The following AUTS2 variants were observed in gnomAD, a reference collection of about 807,000 sequenced individuals.
The protein encoded by AUTS2 is autism susceptibility gene 2 protein.
In AUTS2, 17 loss-of-function variants were observed where a neutral mutation model predicts 112.4. The observed-to-expected ratio is 0.15, with a 90% CI of 0.10 to 0.23. The LOEUF is 0.23. Among genes scored for constraint, AUTS2 ranks in the 10% least tolerant of loss-of-function variants. The pLI is 1.00. For missense variants in AUTS2, 1,510 were observed against 1,701.6 expected (o/e 0.89, Z 1.98); for synonymous variants, 751 against 702.7 (o/e 1.07, Z -1.09).
intron 11 of AUTS2, among the ~76,000 whole-genome samples, chr7:70,772,442 A>G (rs1051560583): frequency 3.9e-5 from 6 of 152,206 alleles, no homozygotes; most frequent in Non-Finnish European, 8.8e-5. Context: ...TTTTACCTTC[A>G]CACAAAAATA....
intron 2 of AUTS2, among the ~76,000 whole-genome samples, chr7:70,009,315 T>C (rs543848979): frequency 5.3e-5 from 8 of 152,308 alleles, no homozygotes; most frequent in Admixed American, 2.6e-4. Context: ...TACTTCCCAA[T>C]AGTGTTGCAT....
Position 69,981,120 on chromosome 7 carries a change from A to T in AUTS2, c.522+81622A>T, listed in dbSNP as rs182489144. 9.2e-5 allele frequency among the ~76,000 whole-genome samples: 14 copies of T among 152,342 alleles called. 1 individual carries two copies. In the East Asian group the frequency reaches 2.7e-3, roughly 29 times the overall value. ...CCAGCTTAATTTCTCTAGAAACAAAATCTCACCTTCATTTTGTACTTATCA... is the reference window on the plus strand; with the variant it reads ...CCAGCTTAATTTCTCTAGAAACAAATTCTCACCTTCATTTTGTACTTATCA... On this transcript the variant is annotated intron_variant, in intron 2 of 18. Transcript: ENST00000342771.
rs1312338162 is a variant in AUTS2 at position 69,777,834 on chromosome 7, G to T, written c.310-121452G>T. Among the ~76,000 whole-genome samples, 8 of 152,266 alleles carry T rather than the reference G, an allele frequency of 5.3e-5. No homozygotes were observed. In the East Asian group the frequency reaches 1.3e-3, roughly 26 times the overall value. On this transcript the variant is annotated intron_variant, in intron 1 of 18. Coordinates refer to ENST00000342771, the MANE Select transcript of AUTS2 (RefSeq NM_015570.4). ...TGGGGAGAGCTGAACAATGTGAGGTGGGAGGGCGTTGGCCTTTAATCAGGT... is the reference window on the plus strand; with the variant it reads ...TGGGGAGAGCTGAACAATGTGAGGTTGGAGGGCGTTGGCCTTTAATCAGGT...
chr7:70,299,206 G>C (rs923483058), intron 4 of AUTS2, among the ~76,000 whole-genome samples: 11 of 152,086 alleles, frequency 7.2e-5, no homozygotes, highest in African/African-American at 2.7e-4. Flanking sequence ...GCTTCACTCT[G>C]TTCATCCTTT....
Position 70,078,146 on chromosome 7 carries a change from C to G in AUTS2, c.523-39986C>G, listed in dbSNP as rs1041343979. Among the ~76,000 whole-genome samples the G allele has an allele frequency of 4.6e-5, 7 of 152,020 alleles. No homozygotes were observed. The East Asian group carries it at 1.2e-3, about 25-fold the overall frequency. On this transcript the variant is annotated intron_variant, in intron 2 of 18. Transcript: ENST00000342771. ...TCTGGTTTAGTCCTTACAGTAGTCC[C>G]TTTTATCCATGTTGGTATGTTCCAA...
chr7:69,981,928 T>C (rs965534784), intron 2 of AUTS2, among the ~76,000 whole-genome samples: 7 of 152,206 alleles, frequency 4.6e-5, no homozygotes, highest in African/African-American at 1.7e-4. Context: ...TTATCTTCTC[T>C]TAGTTTCACA....
chr7:70,400,728 G>C (rs1794290918), intron 4 of AUTS2, among the ~76,000 whole-genome samples: 1 of 152,156 alleles, frequency 6.6e-6, no homozygotes. Flanking sequence ...GCCATGGTGA[G>C]AGCTGTGCCA....
chr7:70,206,127 C>T (rs1810562550), intron 4 of AUTS2, among the ~76,000 whole-genome samples: 1 of 152,218 alleles, frequency 6.6e-6, no homozygotes, highest in Admixed American at 6.5e-5. Context: ...TCTCTTCCCT[C>T]CTCTATCCTG....
intron 2 of AUTS2, among the ~76,000 whole-genome samples, chr7:70,007,959 T>C (rs1799621153): frequency 6.6e-6 from 1 of 152,240 alleles, no homozygotes; most frequent in Non-Finnish European, 1.5e-5. Context: ...TACATTGGCC[T>C]TTCTTGATTA....
chr7:70,729,613 A>G (rs1585584469), intron 6 of AUTS2, among the ~76,000 whole-genome samples: 1 of 152,208 alleles, frequency 6.6e-6, no homozygotes, highest in East Asian at 1.9e-4. Context: ...GCAGTCAGTC[A>G]GGCGTTGTTG....
intron 5 of AUTS2, among the ~76,000 whole-genome samples, chr7:70,609,580 GT>G (rs773394729): frequency 1.4e-4 from 20 of 143,780 alleles, no homozygotes; most frequent in East Asian, 1.0e-3. Context: ...TTTTTGTTTT[GT>G]TTTTTTTTTT....
chr7:70,790,102 C>T lies in AUTS2; in HGVS notation c.2886C>T (p.Ala962=), dbSNP rs769423480. 9 of 1,587,458 alleles carry T rather than the reference C, an allele frequency of 5.7e-6. No homozygotes were observed. The highest frequency in any genetic ancestry group is 4.5e-5 in the South Asian group (4 of 88,090). The change falls in exon 19 of 19, where the codon GCC becomes GCT. Residue 962 remains alanine, a synonymous_variant. Transcript: ENST00000342771. This position sits in a 1 kb window ranked among gnomAD's most constrained non-coding sequence, Gnocchi z 7.6. ...CCAACAGCACCTCGAGCCGGGAGGC[C>T]GAGCCGCGCAAGGGTGAGCCGGCCT... ...ARPNSTSSRE[A]EPRKGEPAYE...
At chr7:70,725,482 T>C (rs1786973924) in intron 6 of AUTS2, among the ~76,000 whole-genome samples, 1 of 152,234 alleles carries the variant, frequency 6.6e-6, no homozygotes. Flanking sequence ...CTAGTCCCCA[T>C]GTTCTGTCGT....
At position 70,504,182 on chromosome 7, in the gene AUTS2, T is replaced by C. The variant is rs2079309930; in HGVS notation, c.690+68401T>C. ...TTGTCAATTAAATATTAAAGCTTTA[T>C]AGGCTATTTTTATTTCCTTCTGCTT... On this transcript the variant is annotated intron_variant, in intron 5 of 18. Coordinates refer to ENST00000342771, the MANE Select transcript of AUTS2 (RefSeq NM_015570.4). Among the ~76,000 whole-genome samples, 2 of 151,864 alleles carry C rather than the reference T, an allele frequency of 1.3e-5. 1 individual carries two copies. Among genetic ancestry groups the C allele is most frequent in the Non-Finnish European group, 2.9e-5 (2 of 67,938 alleles).
intron 4 of AUTS2, among the ~76,000 whole-genome samples, chr7:70,358,327 C>A (rs188138058): frequency 4.6e-5 from 7 of 152,300 alleles, no homozygotes; most frequent in Non-Finnish European, 1.0e-4. Context: ...TTTCCTTTTT[C>A]CAGGCCCACG....
At chr7:70,323,308 C>T (rs73434828) in intron 4 of AUTS2, among the ~76,000 whole-genome samples, 2,074 of 152,252 alleles carry the variant, frequency 0.014, 64 homozygotes, top group African/African-American at 0.047. Flanking sequence ...GGAAAGGAGA[C>T]GGATGGTAGA....
chr7:69,799,989 G>A (rs1050029103), intron 1 of AUTS2, among the ~76,000 whole-genome samples: 1 of 152,062 alleles, frequency 6.6e-6, no homozygotes, highest in African/African-American at 2.4e-5. Context: ...CTGATAATCA[G>A]CATTTACCAA....
chr7:70,359,685 C>T (rs1047186947), intron 4 of AUTS2, among the ~76,000 whole-genome samples: 1 of 152,112 alleles, frequency 6.6e-6, no homozygotes, highest in African/African-American at 2.4e-5. Context: ...GATCTGCTTC[C>T]AGGACCCAAA....
chr7:70,475,728 C>T (rs538931504), intron 5 of AUTS2, among the ~76,000 whole-genome samples: 6 of 152,266 alleles, frequency 3.9e-5, no homozygotes, highest in East Asian at 1.9e-4. Flanking sequence ...GGGGATAAGA[C>T]GAGGCCACAT....
Sources: gnomAD v4.1 joint callset for allele counts (sites outside exome capture counted in the v4.1 genomes callset) on GRCh38, gnomAD v4.1.1 for gene constraint, Gnocchi (gnomAD v3.1) non-coding constraint, MANE v1.5 for transcripts, NCBI Gene and HGNC (gene_info 2026-07-23, HGNC 2026-07-21) for gene names.